Variants in LRP1B observed in about 807,000 individuals in gnomAD.
LRP1B encodes LDL receptor related protein 1B, also known as low-density lipoprotein receptor-related protein 1B.
LRP1B carries 217 observed loss-of-function variants against 556.6 expected under a neutral mutation model. That is an observed-to-expected ratio of 0.39 (90% CI 0.35 to 0.44). The LOEUF (loss-of-function observed/expected upper bound fraction) is 0.44. LRP1B is among the 20% of genes least tolerant of loss of function. LRP1B has a pLI of 1.00. For missense variants in LRP1B, 5,053 were observed against 5,620.8 expected (o/e 0.90, Z 3.23); for synonymous variants, 2,047 against 1,865.8 (o/e 1.10, Z -2.50).
intron 3 of LRP1B, among the ~76,000 whole-genome samples, chr2:141,473,999 A>AATTC (rs1408640535): frequency 7.9e-6 from 1 of 126,170 alleles, no homozygotes; most frequent in Non-Finnish European, 1.7e-5. Context: ...AGCTTTACTA[A>AATTC]ATTCCTTCCT....
In LRP1B at chr2:140,771,018, G is replaced by A; in HGVS notation, c.5501-12C>T. The A allele has an allele frequency of 6.4e-7, 1 of 1,550,572 alleles. No individual in the cohort carries two copies. Among genetic ancestry groups the A allele is most frequent in the Non-Finnish European group, 8.6e-7 (1 of 1,157,918 alleles). The stretch of plus-strand genomic sequence containing the variant: ...GCAGGAATTGCTGCCTGCATAGAAT[G>A]AAAATGAAACAAATTTCTTTAATGA... On this transcript the variant is annotated splice_polypyrimidine_tract_variant and intron_variant, in intron 33 of 90. Coordinates refer to ENST00000389484, the MANE Select transcript of LRP1B (RefSeq NM_018557.3).
intron 43 of LRP1B, among the ~76,000 whole-genome samples, chr2:140,559,077 A>G (rs1680838278): frequency 6.6e-6 from 1 of 152,196 alleles, no homozygotes; most frequent in Non-Finnish European, 1.5e-5. Flanking sequence ...TAGTCTTGCA[A>G]AAATATCTAA....
intron 45 of LRP1B, among the ~76,000 whole-genome samples, chr2:140,540,479 G>A (rs1680093096): frequency 6.6e-6 from 1 of 152,046 alleles, no homozygotes; most frequent in African/African-American, 2.4e-5. Context: ...TAAACACCAT[G>A]CAAGGCTGCA....
chr2:140,762,950 C>T (rs2104919495), intron 35 of LRP1B, among the ~76,000 whole-genome samples: 1 of 152,078 alleles, frequency 6.6e-6, no homozygotes, highest in East Asian at 1.9e-4. Context: ...TACCAACGTA[C>T]CTAAGCTAAA....
chr2:141,692,149 AT>A (rs1026965599), intron 2 of LRP1B, among the ~76,000 whole-genome samples: 1 of 151,882 alleles, frequency 6.6e-6, no homozygotes, highest in African/African-American at 2.4e-5. Flanking sequence ...CCCTCCATTG[AT>A]TTTTCTACAG....
At chr2:140,688,260 C>T (rs1305726775) in intron 41 of LRP1B, among the ~76,000 whole-genome samples, 2 of 152,066 alleles carry the variant, frequency 1.3e-5, no homozygotes, top group Non-Finnish European at 1.5e-5. Flanking sequence ...AACACTTATA[C>T]TCTTGAAGGT....
intron 35 of LRP1B, among the ~76,000 whole-genome samples, chr2:140,763,330 T>A (rs1688994978): frequency 6.6e-6 from 1 of 152,076 alleles, no homozygotes; most frequent in South Asian, 2.1e-4. Flanking sequence ...ATTCTGAATG[T>A]ACCACTGAGG....
intron 41 of LRP1B, among the ~76,000 whole-genome samples, chr2:140,603,280 C>A (rs1056597897): frequency 6.6e-6 from 1 of 151,996 alleles, no homozygotes; most frequent in Admixed American, 6.6e-5. Context: ...ATCAGTTAAG[C>A]TAATTTTATG....
At chr2:141,508,273 T>G (rs1357288650) in intron 2 of LRP1B, among the ~76,000 whole-genome samples, 1 of 152,154 alleles carries the variant, frequency 6.6e-6, no homozygotes, top group Non-Finnish European at 1.5e-5. Context: ...CTTACTAAAG[T>G]GACTTTTACA....
chr2:140,622,214 T>C (rs1392598622), intron 41 of LRP1B, among the ~76,000 whole-genome samples: 1 of 152,218 alleles, frequency 6.6e-6, no homozygotes. Context: ...TACAAACTCA[T>C]ATAGGTAATT....
At chr2:141,029,295 A>G (rs1024552154) in intron 11 of LRP1B, among the ~76,000 whole-genome samples, 1 of 152,160 alleles carries the variant, frequency 6.6e-6, no homozygotes, top group African/African-American at 2.4e-5. Context: ...AACAGCAGTG[A>G]TAAGGTGGTC....
chr2:140,358,983 G>C (rs1331149047), intron 72 of LRP1B, 37 bp from the exon 73 acceptor site: 4 of 1,590,886 alleles, frequency 2.5e-6, no homozygotes, highest in Admixed American at 3.4e-5. Flanking sequence ...AAGCTCCTTC[G>C]AGTACATTGC....
intron 2 of LRP1B, among the ~76,000 whole-genome samples, chr2:141,808,300 T>A (rs1453221685): frequency 6.6e-6 from 1 of 152,020 alleles, no homozygotes; most frequent in East Asian, 1.9e-4. Flanking sequence ...CACAGGAGGA[T>A]CAGGGCAGAA....
chr2:142,125,609 T>C (rs997184894), intron 1 of LRP1B, among the ~76,000 whole-genome samples: 1 of 151,796 alleles, frequency 6.6e-6, no homozygotes, highest in Admixed American at 6.6e-5. Flanking sequence ...AAAATCTCCA[T>C]CCAAAATAAA....
intron 2 of LRP1B, among the ~76,000 whole-genome samples, chr2:141,606,508 A>T (rs1441299139): frequency 6.6e-6 from 1 of 152,204 alleles, no homozygotes; most frequent in Non-Finnish European, 1.5e-5. Context: ...CCTGTGTTAA[A>T]GTCCTAAACT....
intron 41 of LRP1B, among the ~76,000 whole-genome samples, chr2:140,668,204 G>A (rs1472292616): frequency 4.0e-5 from 6 of 151,502 alleles, no homozygotes; most frequent in Non-Finnish European, 7.4e-5. Flanking sequence ...CAGCTGCTGG[G>A]GAGGCTGAGG....
chr2:140,793,846 A>G (rs923849765), intron 32 of LRP1B, among the ~76,000 whole-genome samples: 3 of 152,068 alleles, frequency 2.0e-5, no homozygotes, highest in South Asian at 2.1e-4. Context: ...TGAAAAAAAA[A>G]TGTAGTTTAT....
At chr2:142,082,577 G>A (rs780738725) in intron 1 of LRP1B, among the ~76,000 whole-genome samples, 6 of 152,214 alleles carry the variant, frequency 3.9e-5, no homozygotes, top group South Asian at 4.1e-4. Flanking sequence ...TGGCGCAGCC[G>A]GAACAATTGT....
At chr2:140,829,386 A>G (rs1204103598) in intron 31 of LRP1B, among the ~76,000 whole-genome samples, 1 of 152,216 alleles carries the variant, frequency 6.6e-6, no homozygotes, top group African/African-American at 2.4e-5. Context: ...GTGAGGCCAC[A>G]AAATAAGTCT....
Sources: allele counts gnomAD v4.1 joint callset (sites outside exome capture counted in the v4.1 genomes callset), GRCh38; gene constraint gnomAD v4.1.1; transcripts MANE v1.5; gene names NCBI Gene and HGNC (gene_info 2026-07-23, HGNC 2026-07-21).